The following HIRA variants were observed in gnomAD, a reference collection of about 807,000 sequenced individuals.
HIRA encodes the protein histone cell cycle regulator.
HIRA carries 13 observed loss-of-function variants against 126.6 expected under a neutral mutation model. The ratio of observed to expected loss-of-function variants is 0.10; its 90% CI spans 0.07 to 0.16. The LOEUF (loss-of-function observed/expected upper bound fraction) is 0.16, where lower values mean the gene tolerates loss of function less well. Ranked by LOEUF, HIRA falls within the 10% of genes least tolerant of loss-of-function variation. The pLI is 1.00. For missense variants in HIRA, 834 were observed against 1,314.4 expected (o/e 0.63, Z 5.65); for synonymous variants, 511 against 520.0 (o/e 0.98, Z 0.24).
At chr22:19,349,370 T>C (rs542271820) in intron 24 of HIRA, among the ~76,000 whole-genome samples, 1 of 152,310 alleles carries the variant, frequency 6.6e-6, no homozygotes, top group Non-Finnish European at 1.5e-5. Context: ...CCCAAAGTGC[T>C]GGGATTACAG....
At chr22:19,374,339 A>G (rs573405113) in intron 15 of HIRA, among the ~76,000 whole-genome samples, 82 of 152,146 alleles carry the variant, frequency 5.4e-4, no homozygotes, top group Non-Finnish European at 9.7e-4. Context: ...TCTGGTAGAG[A>G]TACGGGTCTC....
At chr22:19,425,890 A>T (rs1223120577) in intron 1 of HIRA, among the ~76,000 whole-genome samples, 1 of 152,202 alleles carries the variant, frequency 6.6e-6, no homozygotes, top group African/African-American at 2.4e-5. Flanking sequence ...ATGTGCCTGT[A>T]ATCCCAGCTA....
At chr22:19,382,032 T>G (rs1184852495) in intron 13 of HIRA, among the ~76,000 whole-genome samples, 1 of 152,216 alleles carries the variant, frequency 6.6e-6, no homozygotes, top group African/African-American at 2.4e-5. Flanking sequence ...CAAAGAAGTC[T>G]CTCATCTTTT....
chr22:19,397,552 G>A (rs1181835506), intron 6 of HIRA, among the ~76,000 whole-genome samples: 1 of 152,226 alleles, frequency 6.6e-6, no homozygotes, highest in Non-Finnish European at 1.5e-5. Context: ...GCAGCACTGT[G>A]CCAGGTTATG....
chr22:19,413,583 G>A (rs2089371102), intron 1 of HIRA, among the ~76,000 whole-genome samples: 1 of 147,280 alleles, frequency 6.8e-6, no homozygotes, highest in Non-Finnish European at 1.5e-5. Flanking sequence ...CATTCCATTA[G>A]TGGGAATGAA....
intron 24 of HIRA, among the ~76,000 whole-genome samples, chr22:19,349,032 T>C (rs1165992940): frequency 6.6e-6 from 1 of 150,924 alleles, no homozygotes; most frequent in Admixed American, 6.6e-5. Context: ...GATCCGCCCA[T>C]CTTGGCCTCC....
intron 1 of HIRA, among the ~76,000 whole-genome samples, chr22:19,416,400 T>G (rs2089398833): frequency 1.3e-5 from 2 of 152,146 alleles, no homozygotes; most frequent in African/African-American, 4.8e-5. Context: ...CTTGGCCCAC[T>G]GCAGCCTCAA....
At chr22:19,431,351 G>T in intron 1 of HIRA, 89 bp downstream of exon 1, 1 of 1,439,220 alleles carries the variant, frequency 6.9e-7, no homozygotes, top group Non-Finnish European at 9.7e-7. Context: ...TCAGGGGCGA[G>T]ACAGGCAGGA....
rs1457167785 is a variant in HIRA, at chr22:19,410,789, AG to A, written c.38-12del. The A allele has an allele frequency of 3.1e-6, 5 of 1,601,042 alleles. No homozygotes were observed. The East Asian group carries it at 7.8e-5, about 25-fold the overall frequency. ...AAAAAATCGGCTTGCCTGGAAACAAAGAAAAAAAAATACAGTATCTAAATTG... is the reference window on the plus strand; with the variant it reads ...AAAAAATCGGCTTGCCTGGAAACAAAAAAAAAAAATACAGTATCTAAATTG... On this transcript the variant is annotated splice_polypyrimidine_tract_variant and intron_variant, in intron 1 of 24. Transcript: ENST00000263208.
intron 24 of HIRA, among the ~76,000 whole-genome samples, chr22:19,337,163 C>CTCTG (rs1316246644): frequency 6.6e-6 from 1 of 151,748 alleles, no homozygotes; most frequent in Non-Finnish European, 1.5e-5. Flanking sequence ...GTGGCGTGAT[C>CTCTG]TCTGAATTGC....
intron 5 of HIRA, among the ~76,000 whole-genome samples, chr22:19,398,715 G>A (rs183563554): frequency 3.2e-4 from 49 of 152,282 alleles, no homozygotes; most frequent in Non-Finnish European, 1.6e-4. Context: ...AGGGACTCAC[G>A]TCTGTAATCT....
rs1054724301 is a variant in HIRA at position 19,431,457 on chromosome 22, G to A, written c.20C>T (p.Thr7Ile). The A allele has an allele frequency of 6.2e-7, 1 of 1,607,906 alleles. No homozygotes were observed. The highest frequency in any genetic ancestry group is 1.3e-5 in the African/African-American group (1 of 74,714). The change falls in exon 1 of 25, where the codon ACC (threonine) becomes ATC (isoleucine). Residue 7 changes from threonine to isoleucine, a missense_variant. By Grantham distance (89) the Thr-to-Ile change is moderately conservative. Coordinates refer to ENST00000263208, the MANE Select transcript of HIRA (RefSeq NM_003325.4). Reference protein sequence around the residue: MKLLKPTWVNHNGKPIF... With the variant: MKLLKPIWVNHNGKPIF... ...GCACTCACCATTGTGGTTGACCCAG[G>A]TCGGCTTCAGGAGCTTCATTGTTCG...
intron 24 of HIRA, among the ~76,000 whole-genome samples, chr22:19,338,162 T>C (rs1353697197): frequency 6.6e-6 from 1 of 152,162 alleles, no homozygotes; most frequent in Admixed American, 6.6e-5. Context: ...TGGGTTCCTA[T>C]TTTTAGCTTC....
chr22:19,386,599 T>C lies in HIRA; in HGVS notation c.1114-863A>G, dbSNP rs570416884. Among the ~76,000 whole-genome samples, 6 of 152,368 alleles carry C rather than the reference T, an allele frequency of 3.9e-5. No homozygotes were observed. The East Asian group carries it at 1.2e-3, about 29-fold the overall frequency. On this transcript the variant is annotated intron_variant, in intron 11 of 24. Transcript: ENST00000263208. ...CTCCTTTTCTTGCCATCTTGGCTCC[T>C]GCCCTTCTCTCCTGAGTCTATCCCC...
rs369208164 is a variant in HIRA at position 19,353,339 on chromosome 22, G to C, written c.2848+17C>G. The C allele has an allele frequency of 6.2e-7, 1 of 1,612,256 alleles. No individual in the cohort carries two copies. The highest frequency in any genetic ancestry group is 2.2e-5 in the East Asian group (1 of 44,858). On this transcript the variant is annotated intron_variant, in intron 23 of 24. Transcript: ENST00000263208. ...GGGCAGAAGGAGAAGGCTGCTCAGG[G>C]CTGCCAGGAGCCTCACCTTCGTTTA...
At chr22:19,424,524 A>G (rs1312420923) in intron 1 of HIRA, among the ~76,000 whole-genome samples, 2 of 152,252 alleles carry the variant, frequency 1.3e-5, no homozygotes, top group Non-Finnish European at 2.9e-5. Flanking sequence ...GACAAGCTCC[A>G]GGGACCAGAC....
chr22:19,349,949 T>C (rs1384517417), intron 24 of HIRA, among the ~76,000 whole-genome samples: 1 of 152,164 alleles, frequency 6.6e-6, no homozygotes, highest in Non-Finnish European at 1.5e-5. Flanking sequence ...TCACCTTTTC[T>C]GGTCTCTGCT....
chr22:19,427,192 T>A (rs1601866163), intron 1 of HIRA, among the ~76,000 whole-genome samples: 1 of 152,336 alleles, frequency 6.6e-6, no homozygotes, highest in African/African-American at 2.4e-5. Context: ...CCTACCCACT[T>A]GATACCAGTA....
At chr22:19,403,290 T>TA (rs1321938789) in intron 5 of HIRA, among the ~76,000 whole-genome samples, 1 of 152,034 alleles carries the variant, frequency 6.6e-6, no homozygotes, top group Non-Finnish European at 1.5e-5. Flanking sequence ...GTACTACACT[T>TA]ACAAGTCACA....
Sources: allele counts gnomAD v4.1 joint callset (sites outside exome capture counted in the v4.1 genomes callset), GRCh38; gene constraint gnomAD v4.1.1; transcripts MANE v1.5; gene names NCBI Gene and HGNC (gene_info 2026-07-23, HGNC 2026-07-21).